Variants in MDGA2 observed in about 807,000 individuals in gnomAD.
MDGA2 encodes the protein MAM domain-containing glycosylphosphatidylinositol anchor protein 2.
In MDGA2, 40 loss-of-function variants were observed where a neutral mutation model predicts 117.8. The ratio of observed to expected loss-of-function variants is 0.34; its 90% CI spans 0.26 to 0.44. MDGA2 has a LOEUF of 0.44. Among genes scored for constraint, MDGA2 ranks in the 20% least tolerant of loss-of-function variants. The pLI, the probability that MDGA2 is intolerant of heterozygous loss-of-function variation, is 1.00. For synonymous variants in MDGA2, 452 were observed against 439.0 expected (o/e 1.03, Z -0.37); for missense variants, 1,123 against 1,250.6 (o/e 0.90, Z 1.54).
chr14:46,845,919 G>C, intron 15 of MDGA2, 48 bp from the exon 16 acceptor site: 1 of 1,411,560 alleles, frequency 7.1e-7, no homozygotes, highest in Non-Finnish European at 1.0e-6. Flanking sequence ...TTGATTTGCA[G>C]ATCAGTTTCT....
At chr14:46,995,949 C>T (rs947674080) in intron 8 of MDGA2, among the ~76,000 whole-genome samples, 4 of 151,488 alleles carry the variant, frequency 2.6e-5, no homozygotes, top group Non-Finnish European at 5.9e-5. Context: ...AAATGAAGAC[C>T]GCATTTCATT....
Position 46,880,576 on chromosome 14 carries a change from G to A in MDGA2, c.2416+1468C>T, listed in dbSNP as rs190306423. Among the ~76,000 whole-genome samples, 442 of 151,828 alleles carry A rather than the reference G, an allele frequency of 2.9e-3. 1 individual carries two copies. Among genetic ancestry groups the A allele is most frequent in the Non-Finnish European group, 5.2e-3 (353 of 67,924 alleles). ...CTAGCACTTTGGGAGGCCGAGGCAG[G>A]TGGATCACCTGAGGTCGGGAGTTCG... On this transcript the variant is annotated intron_variant, in intron 11 of 16. Transcript: ENST00000399232.
intron 1 of MDGA2, among the ~76,000 whole-genome samples, chr14:47,529,050 G>A (rs1425461841): frequency 6.6e-6 from 1 of 151,134 alleles, no homozygotes; most frequent in African/African-American, 2.4e-5. Context: ...CCAGGCTGGA[G>A]TGCAGTGGCA....
At chr14:47,378,405 T>C (rs933863061) in intron 1 of MDGA2, among the ~76,000 whole-genome samples, 6 of 152,004 alleles carry the variant, frequency 3.9e-5, no homozygotes, top group African/African-American at 1.4e-4. Context: ...CGATCGGTAA[T>C]AAGAAACTTC....
chr14:47,342,900 G>A lies in MDGA2; in HGVS notation c.281-41350C>T, dbSNP rs1362081194. Reference sequence around the variant, plus strand: ...TCCGTGTGGGGGAAAAAAGAGGAAAGGAACTCATTTCATACTTGGGATAAA... The same window carrying A: ...TCCGTGTGGGGGAAAAAAGAGGAAAAGAACTCATTTCATACTTGGGATAAA... On this transcript the variant is annotated intron_variant, in intron 1 of 16. Transcript: ENST00000399232. 4 of 432,462 alleles carry A rather than the reference G, an allele frequency of 9.2e-6. No homozygotes were observed. In the East Asian group the frequency reaches 2.2e-4, roughly 24 times the overall value. 26.8% of individuals were successfully genotyped at this position (432,462 alleles called of 1,614,324 possible).
intron 1 of MDGA2, among the ~76,000 whole-genome samples, chr14:47,340,908 T>C (rs1185323574): frequency 1.3e-5 from 2 of 152,184 alleles, no homozygotes; most frequent in Non-Finnish European, 2.9e-5. Flanking sequence ...ATAAAATTCA[T>C]CCCGCTTTGT....
chr14:47,061,908 A>G (rs185673142), intron 6 of MDGA2, among the ~76,000 whole-genome samples: 2 of 152,182 alleles, frequency 1.3e-5, no homozygotes, highest in East Asian at 3.9e-4. Context: ...GACAGATTCT[A>G]TGTAGTCATA....
intron 1 of MDGA2, among the ~76,000 whole-genome samples, chr14:47,320,822 G>C (rs987677400): frequency 1.3e-5 from 2 of 152,052 alleles, no homozygotes; most frequent in Admixed American, 6.6e-5. Flanking sequence ...GAAGAGCCTC[G>C]GTTAAAGAGA....
At chr14:47,420,964 A>C (rs914694379) in intron 1 of MDGA2, among the ~76,000 whole-genome samples, 4 of 152,112 alleles carry the variant, frequency 2.6e-5, no homozygotes, top group African/African-American at 9.7e-5. Flanking sequence ...TACAAAGAAA[A>C]CATGCCTATT....
chr14:47,455,053 A>G (rs1331208490), intron 1 of MDGA2, among the ~76,000 whole-genome samples: 1 of 152,214 alleles, frequency 6.6e-6, no homozygotes, highest in East Asian at 1.9e-4. Context: ...TGAGAAAACA[A>G]TATCATGCAA....
At chr14:47,074,925 C>A (rs1217058867) in intron 6 of MDGA2, among the ~76,000 whole-genome samples, 4 of 152,300 alleles carry the variant, frequency 2.6e-5, no homozygotes, top group South Asian at 2.1e-4. Context: ...TGCAGCACTT[C>A]AATCAATGTT....
chr14:46,903,347 T>G (rs1326401053), intron 10 of MDGA2, among the ~76,000 whole-genome samples: 1 of 152,208 alleles, frequency 6.6e-6, no homozygotes, highest in Non-Finnish European at 1.5e-5. Context: ...AGCACATTCT[T>G]TTAATTTTAT....
intron 2 of MDGA2, among the ~76,000 whole-genome samples, chr14:47,224,795 C>T (rs116664712): frequency 0.01 from 1,591 of 152,146 alleles, 31 homozygotes; most frequent in African/African-American, 0.036. Context: ...ATCAATGGTA[C>T]GTAATTATTA....
In MDGA2 at chr14:46,882,067, G is replaced by A; in HGVS notation, c.2393C>T (p.Thr798Ile). Residue 798 changes from threonine to isoleucine, a missense_variant, in exon 11 of 17, where the codon ACA becomes ATA. Thr to Ile is a moderately conservative substitution (Grantham distance 89, BLOSUM62 -1). Transcript: ENST00000399232. ...PLTKFGEGDSTIRVIKYSAPV... is the reference protein window; with the variant it reads ...PLTKFGEGDSIIRVIKYSAPV... ...ACCACTATATTTGATCACACGAATT[G>A]TTGAATCTCCTTCACCAAATTTGGT... is the stretch of plus-strand genomic sequence containing the variant. 1 of 1,608,970 alleles carries A rather than the reference G, an allele frequency of 6.2e-7. No individual in the cohort carries two copies. Among genetic ancestry groups the A allele is most frequent in the Non-Finnish European group, 8.5e-7 (1 of 1,176,968 alleles).
At chr14:46,919,003 T>C (rs759398337) in intron 10 of MDGA2, among the ~76,000 whole-genome samples, 37 of 151,914 alleles carry the variant, frequency 2.4e-4, no homozygotes, top group Non-Finnish European at 4.1e-4. Flanking sequence ...ACCTCGTGAT[T>C]CGCCCGCCTC....
At chr14:47,175,937 G>C (rs1288682448) in intron 3 of MDGA2, among the ~76,000 whole-genome samples, 1 of 152,078 alleles carries the variant, frequency 6.6e-6, no homozygotes, top group African/African-American at 2.4e-5. Flanking sequence ...AAGCTGATAA[G>C]CAACTTCAGC....
At chr14:47,071,285 G>A (rs996891582) in intron 6 of MDGA2, among the ~76,000 whole-genome samples, 2 of 152,116 alleles carry the variant, frequency 1.3e-5, no homozygotes, top group African/African-American at 4.8e-5. Context: ...AATGTGGTAA[G>A]CTCTGTTTAA....
At chr14:47,434,460 G>A (rs1274086832) in intron 1 of MDGA2, among the ~76,000 whole-genome samples, 2 of 152,066 alleles carry the variant, frequency 1.3e-5, no homozygotes, top group East Asian at 3.9e-4. Context: ...TGACTTTTCA[G>A]TTGGAAAGCT....
chr14:47,146,164 C>G (rs188651632), intron 3 of MDGA2, among the ~76,000 whole-genome samples: 116 of 152,258 alleles, frequency 7.6e-4, no homozygotes, highest in East Asian at 1.5e-3. Context: ...GTAATAGCTA[C>G]CTTAGAGAAT....
Sources: allele counts gnomAD v4.1 joint callset (sites outside exome capture counted in the v4.1 genomes callset), GRCh38; gene constraint gnomAD v4.1.1; transcripts MANE v1.5; gene names NCBI Gene and HGNC (gene_info 2026-07-23, HGNC 2026-07-21).